IPO11: variants seen among roughly 807,000 people sequenced by gnomAD.
The protein encoded by IPO11 is importin-11.
A neutral mutation model predicts 143.2 loss-of-function variants in IPO11; 66 were observed. The ratio of observed to expected loss-of-function variants is 0.46; its 90% CI spans 0.38 to 0.57. The LOEUF is 0.57. Among genes scored for constraint, IPO11 ranks in the 20% least tolerant of loss-of-function variants. IPO11 has a pLI of 0.00. For missense variants in IPO11, 1,026 were observed against 1,141.0 expected, an observed-to-expected ratio of 0.90 and a Z score of 1.45; for synonymous variants, 385 against 377.8, an observed-to-expected ratio of 1.02 and a Z score of -0.22.
At chr5:62,461,239 G>A (rs1745346802) in intron 5 of IPO11, among the ~76,000 whole-genome samples, 1 of 152,050 alleles carries the variant, frequency 6.6e-6, no homozygotes, top group African/African-American at 2.4e-5. Flanking sequence ...AGGTTGGGGG[G>A]ATGGGGGGTT....
At chr5:62,597,346 T>C (rs946183046) in intron 28 of IPO11, among the ~76,000 whole-genome samples, 7 of 152,208 alleles carry the variant, frequency 4.6e-5, no homozygotes, top group Admixed American at 1.3e-4. Flanking sequence ...ACAAATTCAA[T>C]TTAACAGAGT....
intron 19 of IPO11, among the ~76,000 whole-genome samples, chr5:62,513,965 C>T (rs1333805777): frequency 6.8e-6 from 1 of 146,708 alleles, no homozygotes; most frequent in Admixed American, 6.8e-5. Flanking sequence ...GGCGGCGGGG[C>T]AGAGGCGCTC....
Position 62,571,549 on chromosome 5 carries a change from T to C in IPO11, c.2582+10292T>C, listed in dbSNP as rs376329072. 2.0e-5 allele frequency among the ~76,000 whole-genome samples: 3 copies of C among 152,232 alleles called. 1 individual carries two copies. Among genetic ancestry groups the C allele is most frequent in the East Asian group, 3.8e-4 (2 of 5,200 alleles). ...TACATCTCTTTCTTTTGAAAGAGTT[T>C]ATGTGTGAAGAAACTGATAACAAGA... On this transcript the variant is annotated intron_variant, in intron 27 of 29. Coordinates refer to ENST00000325324, the MANE Select transcript of IPO11 (RefSeq NM_016338.5).
intron 29 of IPO11, among the ~76,000 whole-genome samples, chr5:62,622,220 G>T (rs1284262271): frequency 6.6e-6 from 1 of 152,086 alleles, no homozygotes; most frequent in Non-Finnish European, 1.5e-5. Flanking sequence ...TGTATATCAC[G>T]ATCACTTGGG....
chr5:62,595,439 GC>G (rs1266999968), intron 28 of IPO11, among the ~76,000 whole-genome samples: 2 of 152,150 alleles, frequency 1.3e-5, no homozygotes, highest in Non-Finnish European at 1.5e-5. Context: ...TATACCTGTA[GC>G]CTATGCTTAT....
At chr5:62,599,254 A>G (rs891201107) in intron 28 of IPO11, among the ~76,000 whole-genome samples, 4 of 152,232 alleles carry the variant, frequency 2.6e-5, no homozygotes, top group Non-Finnish European at 4.4e-5. Flanking sequence ...CTTTGCCCCA[A>G]CTATCCCTCC....
chr5:62,547,510 T>A (rs994748440), intron 24 of IPO11, among the ~76,000 whole-genome samples: 1 of 152,166 alleles, frequency 6.6e-6, no homozygotes, highest in Non-Finnish European at 1.5e-5. Context: ...AATTTTCTCT[T>A]GATTCTGTCC....
At chr5:62,516,611 G>A (rs1302707200) in intron 20 of IPO11, among the ~76,000 whole-genome samples, 1 of 151,978 alleles carries the variant, frequency 6.6e-6, no homozygotes, top group East Asian at 1.9e-4. Context: ...AAATGGTTAT[G>A]GATGACTTTT....
chr5:62,589,016 G>A (rs1435950711), intron 27 of IPO11, among the ~76,000 whole-genome samples: 2 of 152,122 alleles, frequency 1.3e-5, no homozygotes, highest in East Asian at 3.9e-4. Flanking sequence ...GTGCCTCCAA[G>A]GGAGTGTGTA....
intron 5 of IPO11, among the ~76,000 whole-genome samples, chr5:62,460,377 C>A (rs1047718443): frequency 3.9e-5 from 6 of 152,104 alleles, no homozygotes; most frequent in Non-Finnish European, 5.9e-5. Flanking sequence ...GATGCTCTGC[C>A]TCCTACATTT....
chr5:62,526,487 C>CT, intron 21 of IPO11: 1 of 333,048 alleles, frequency 3.0e-6, no homozygotes, highest in Non-Finnish European at 5.5e-6. Context: ...TGCATTTCAT[C>CT]TTTTGGAATT....
At chr5:62,613,537 A>G (rs180880962) in intron 29 of IPO11, among the ~76,000 whole-genome samples, 60 of 152,086 alleles carry the variant, frequency 3.9e-4, no homozygotes, top group African/African-American at 1.4e-3. Context: ...TCCCAAGCTC[A>G]GGCAATCGGC....
chr5:62,476,787 A>G (rs1460879335), intron 9 of IPO11, 34 bp downstream of exon 9: 2 of 1,462,134 alleles, frequency 1.4e-6, no homozygotes, highest in Non-Finnish European at 1.8e-6. Flanking sequence ...TCTCAAATAT[A>G]ATACACATAT....
chr5:62,561,356 CT>C, intron 27 of IPO11, 99 bp downstream of exon 27: 3 of 507,734 alleles, frequency 5.9e-6, no homozygotes, highest in Non-Finnish European at 9.1e-6. Context: ...GGCAGTGGTA[CT>C]TTTATATATA....
intron 11 of IPO11, among the ~76,000 whole-genome samples, chr5:62,484,548 T>C (rs2112225901): frequency 6.6e-6 from 1 of 151,440 alleles, no homozygotes; most frequent in East Asian, 1.9e-4. Context: ...TTTTGATGAA[T>C]AGTTTTTTTT....
chr5:62,551,091 A>G, intron 25 of IPO11, 132 bp from the exon 26 acceptor site: 1 of 498,608 alleles, frequency 2.0e-6, no homozygotes, highest in East Asian at 3.0e-5. Flanking sequence ...GGCAGTATTG[A>G]TAGTTCATTC....
At chr5:62,460,021 T>G (rs182024549) in intron 5 of IPO11, among the ~76,000 whole-genome samples, 1 of 152,246 alleles carries the variant, frequency 6.6e-6, no homozygotes, top group Non-Finnish European at 1.5e-5. Flanking sequence ...AACATTTTGC[T>G]GTTTTTGCTT....
intron 1 of IPO11, among the ~76,000 whole-genome samples, chr5:62,436,551 T>G (rs1482137399): frequency 2.0e-5 from 3 of 152,202 alleles, no homozygotes; most frequent in Admixed American, 2.0e-4. Flanking sequence ...TTGGGGGTGA[T>G]TAGAAACAGA....
At chr5:62,479,445 A>G (rs551364554) in intron 9 of IPO11, among the ~76,000 whole-genome samples, 1 of 152,302 alleles carries the variant, frequency 6.6e-6, no homozygotes, top group Admixed American at 6.5e-5. Context: ...TCCTTTGGGT[A>G]TATAACCAGT....
Sources: gnomAD v4.1 joint callset for allele counts (sites outside exome capture counted in the v4.1 genomes callset) on GRCh38, gnomAD v4.1.1 for gene constraint, MANE v1.5 for transcripts, NCBI Gene and HGNC (gene_info 2026-07-23, HGNC 2026-07-21) for gene names.